The following EXO1 variants were observed in gnomAD, a reference collection of about 807,000 sequenced individuals.
EXO1 encodes exonuclease 1.
In EXO1, 69 loss-of-function variants were observed where a neutral mutation model predicts 84.5. The ratio of observed to expected loss-of-function variants is 0.82; its 90% CI spans 0.67 to 1.00. EXO1 has a LOEUF of 1.00. EXO1 is among the 50% of genes least tolerant of loss of function. The probability of loss-of-function intolerance (pLI) is 0.00; values close to 1 mark genes in which losing one functional copy is unlikely to be tolerated. For synonymous variants in EXO1, 373 were observed against 366.1 expected (o/e 1.02, Z -0.21); for missense variants, 1,045 against 1,000.7 (o/e 1.04, Z -0.60).
chr1:241,883,604 G>T (rs373932232), intron 14 of EXO1, among the ~76,000 whole-genome samples: 1 of 152,078 alleles, frequency 6.6e-6, no homozygotes, highest in Middle Eastern at 3.2e-3. Context: ...GTACATTAAA[G>T]ATACAAATAT....
At chr1:241,873,361 T>C (rs1479317997) in intron 12 of EXO1, among the ~76,000 whole-genome samples, 1 of 152,202 alleles carries the variant, frequency 6.6e-6, no homozygotes, top group African/African-American at 2.4e-5. Flanking sequence ...ATTGTCTTAG[T>C]TCTGACATAA....
chr1:241,879,740 C>G lies in EXO1; in HGVS notation c.2109+397C>G, dbSNP rs562147659. Among the ~76,000 whole-genome samples, 8 of 152,258 alleles carry G rather than the reference C, an allele frequency of 5.3e-5. No individual in the cohort carries two copies. In the South Asian group the frequency reaches 1.4e-3, roughly 28 times the overall value. On this transcript the variant is annotated intron_variant, in intron 13 of 15. Coordinates refer to ENST00000366548, the MANE Select transcript of EXO1 (RefSeq NM_130398.4). ...TTGTAAGGGGCCAGGTGCGATGGCT[C>G]ATGCCTGTAATCCCAGCACTTTGGG...
chr1:241,866,684 A>G (rs1429038983), intron 10 of EXO1, 146 bp from the exon 11 acceptor site: 2 of 696,354 alleles, frequency 2.9e-6, no homozygotes, highest in Non-Finnish European at 5.1e-6. Flanking sequence ...CAAAGTAGGA[A>G]ATGTTATTCA....
At chr1:241,886,478 A>G (rs1331493252) in intron 15 of EXO1, among the ~76,000 whole-genome samples, 2 of 152,226 alleles carry the variant, frequency 1.3e-5, no homozygotes, top group African/African-American at 2.4e-5. Context: ...CTTACCTAGT[A>G]GAAATATTGT....
chr1:241,866,266 A>G (rs555817326), intron 10 of EXO1, among the ~76,000 whole-genome samples: 1 of 152,328 alleles, frequency 6.6e-6, no homozygotes, highest in African/African-American at 2.4e-5. Context: ...GGCACACGCC[A>G]CCACACCTGG....
intron 11 of EXO1, 23 bp from the exon 12 acceptor site, chr1:241,872,009 C>G: frequency 6.3e-7 from 1 of 1,582,058 alleles, no homozygotes; most frequent in Non-Finnish European, 8.6e-7. Context: ...CAAAGATTTA[C>G]AGATAATTTT....
rs779273246 is a variant in EXO1, at chr1:241,858,664, A to T, written c.702A>T (p.Gly234=). The change falls in exon 8 of 16, where the codon GGA becomes GGT. Residue 234 remains glycine (G), a synonymous_variant. Coordinates refer to ENST00000366548, the MANE Select transcript of EXO1 (RefSeq NM_130398.4). ...ACCTGTCATCACTGCGTGGGATTGG[A>T]TTAGCAAAGGCATGCAAAGTCCTAA... ...CDYLSSLRGI[G]LAKACKVLRL... The T allele has an allele frequency of 1.9e-6, 3 of 1,614,140 alleles. No homozygotes were observed. The highest frequency in any genetic ancestry group is 2.2e-5 in the South Asian group (2 of 91,086).
chr1:241,875,703 C>T (rs1049227381), intron 12 of EXO1, among the ~76,000 whole-genome samples: 4 of 152,060 alleles, frequency 2.6e-5, no homozygotes, highest in Admixed American at 1.3e-4. Flanking sequence ...ATGGTGAAAC[C>T]CCATCTCTAC....
At position 241,848,816 on chromosome 1, in the gene EXO1, C is replaced by G. The variant is rs1038491803; in HGVS notation, c.-334C>G. ...ACAGAGGGATAAAGTGAAGATGGTG[C>G]TGTTATTGTTACCTCGAGTGCCACA... On this transcript the variant is annotated 5_prime_UTR_variant, in exon 2 of 16. Transcript: ENST00000366548. The surrounding 1 kb of genome is among the most constrained non-coding windows in gnomAD (Gnocchi z 4.2). 1 of 152,194 alleles carries G rather than the reference C, an allele frequency of 6.6e-6. No individual in the cohort carries two copies. The highest frequency in any genetic ancestry group is 2.4e-5 in the African/African-American group (1 of 41,432). 9.4% of individuals were successfully genotyped at this position (152,194 alleles called of 1,614,324 possible).
rs995918932 is a variant in EXO1, at chr1:241,849,016, A to G, written c.-134A>G. Reference sequence around the variant, plus strand: ...GAGTGAGAGAAAACTCTTTTTAGATATCATCTGAGAGGTAAGAGACTGTTT... The same window carrying G: ...GAGTGAGAGAAAACTCTTTTTAGATGTCATCTGAGAGGTAAGAGACTGTTT... On this transcript the variant is annotated 5_prime_UTR_variant, in exon 2 of 16. It adds an upstream start codon to the 5' untranslated region. Transcript: ENST00000366548. The G allele has an allele frequency of 6.6e-6, 1 of 152,212 alleles. No homozygotes were observed. Among genetic ancestry groups the G allele is most frequent in the Non-Finnish European group, 1.5e-5 (1 of 68,038 alleles). 9.4% of individuals were successfully genotyped at this position (152,212 alleles called of 1,614,324 possible).
intron 4 of EXO1, among the ~76,000 whole-genome samples, chr1:241,851,586 C>T (rs1463437653): frequency 6.6e-6 from 1 of 152,142 alleles, no homozygotes; most frequent in Non-Finnish European, 1.5e-5. Flanking sequence ...TAATGTAATA[C>T]CTGACCCTTG....
intron 10 of EXO1, among the ~76,000 whole-genome samples, chr1:241,865,520 A>G (rs777724260): frequency 6.6e-6 from 1 of 152,092 alleles, no homozygotes. Flanking sequence ...CTATAATTTC[A>G]TTAAGAATGA....
chr1:241,878,927 A>G lies in EXO1; in HGVS notation c.1693A>G (p.Asn565Asp), dbSNP rs1197279524. The change falls in exon 13 of 16, where the codon AAT becomes GAT. Residue 565 changes from asparagine to aspartate, a missense_variant. Coordinates refer to ENST00000366548, the MANE Select transcript of EXO1 (RefSeq NM_130398.4). ...VARNSSDDIP[N>D]NHIPGDHIPD... Reference sequence around the variant, plus strand: ...ACGTAATTCAAGTGATGACATTCCGAATAATCATATTCCAGGTGATCATAT... The same window carrying G: ...ACGTAATTCAAGTGATGACATTCCGGATAATCATATTCCAGGTGATCATAT... The G allele has an allele frequency of 6.2e-7, 1 of 1,614,178 alleles. No homozygotes were observed. The highest frequency in any genetic ancestry group is 8.5e-7 in the Non-Finnish European group (1 of 1,180,028).
chr1:241,878,843 C>G lies in EXO1; in HGVS notation c.1609C>G (p.Leu537Val), dbSNP rs758324514. The stretch of plus-strand genomic sequence containing the variant: ...TGCTGTCACAGATAAAGAGAACAAT[C>G]TGCATGAATCAGAGTATGGAGACCA... ...ETAVTDKENN[L>V]HESEYGDQEG... Residue 537 changes from leucine to valine, a missense_variant, in exon 13 of 16, where the codon CTG (leucine) becomes GTG (valine). Transcript: ENST00000366548. 2.5e-6 allele frequency: 4 copies of G among 1,613,902 alleles called. No individual in the cohort carries two copies. Among genetic ancestry groups the G allele is most frequent in the Non-Finnish European group, 3.4e-6 (4 of 1,179,928 alleles).
At chr1:241,857,164 A>G (rs1021538676) in intron 6 of EXO1, among the ~76,000 whole-genome samples, 181 bp from the exon 7 acceptor site, 23 of 152,252 alleles carry the variant, frequency 1.5e-4, no homozygotes, top group African/African-American at 4.8e-4. Flanking sequence ...TAATGGCTAT[A>G]TAATTAGTTC....
At chr1:241,868,354 G>A (rs917654958) in intron 11 of EXO1, among the ~76,000 whole-genome samples, 25 of 134,338 alleles carry the variant, frequency 1.9e-4, no homozygotes, top group African/African-American at 6.0e-4. Flanking sequence ...CAGCCTGGGC[G>A]CCAGAGAAAG....
intron 7 of EXO1, 87 bp downstream of exon 7, chr1:241,857,569 TATG>T (rs2148414800): frequency 5.2e-6 from 3 of 571,828 alleles, no homozygotes; most frequent in South Asian, 4.4e-5. Flanking sequence ...TCCAGGAAAT[TATG>T]ATAATTTATA....
At chr1:241,873,075 T>TG (rs997577242) in intron 12 of EXO1, among the ~76,000 whole-genome samples, 1 of 142,422 alleles carries the variant, frequency 7.0e-6, no homozygotes, top group Non-Finnish European at 1.5e-5. Context: ...TAACTCATTG[T>TG]GGGTTTTTTT....
chr1:241,877,816 A>C (rs1662482442), intron 12 of EXO1, among the ~76,000 whole-genome samples: 1 of 152,166 alleles, frequency 6.6e-6, no homozygotes, highest in South Asian at 2.1e-4. Context: ...CTGTATATTT[A>C]AAAGAGTATA....
Sources: allele counts gnomAD v4.1 joint callset (sites outside exome capture counted in the v4.1 genomes callset), GRCh38; gene constraint gnomAD v4.1.1; non-coding constraint Gnocchi (gnomAD v3.1); transcripts MANE v1.5; gene names NCBI Gene and HGNC (gene_info 2026-07-23, HGNC 2026-07-21).